Variants in PARN observed in about 807,000 individuals in gnomAD.
PARN encodes poly(A)-specific ribonuclease.
PARN carries 71 observed loss-of-function variants against 102.8 expected under a neutral mutation model. That is an observed-to-expected ratio of 0.69 (90% CI 0.57 to 0.84). PARN has a LOEUF of 0.84. PARN is among the 40% of genes least tolerant of loss of function. PARN has a pLI of 0.00. For missense variants in PARN, 782 were observed against 760.9 expected (o/e 1.03, Z -0.33); for synonymous variants, 261 against 252.9 (o/e 1.03, Z -0.30).
At chr16:14,600,032 C>A (rs1395777083) in intron 11 of PARN, 72 bp from the exon 12 acceptor site, 3 of 831,808 alleles carry the variant, frequency 3.6e-6, no homozygotes, top group South Asian at 2.0e-5. Flanking sequence ...AAAACTACCC[C>A]AAAAAAAAGA....
chr16:14,608,804 T>C (rs1182453524), intron 8 of PARN, among the ~76,000 whole-genome samples: 2 of 152,202 alleles, frequency 1.3e-5, no homozygotes, highest in African/African-American at 2.4e-5. Context: ...ATGCCACTCT[T>C]GGGCATAACT....
At chr16:14,481,927 T>G (rs114531792) in intron 22 of PARN, among the ~76,000 whole-genome samples, 2 of 152,170 alleles carry the variant, frequency 1.3e-5, no homozygotes, top group Non-Finnish European at 2.9e-5. Context: ...CTTTCTACAG[T>G]AGGCACCTGG....
chr16:14,612,090 G>A (rs1294546690), intron 6 of PARN, among the ~76,000 whole-genome samples: 2 of 152,218 alleles, frequency 1.3e-5, no homozygotes, highest in African/African-American at 2.4e-5. Flanking sequence ...GACATAAGAC[G>A]TAACACTTAC....
chr16:14,501,319 A>AATC (rs1479623865), intron 21 of PARN, among the ~76,000 whole-genome samples: 2 of 134,628 alleles, frequency 1.5e-5, no homozygotes, highest in Non-Finnish European at 3.3e-5. Flanking sequence ...TAATAATAAT[A>AATC]ATAATTAGTC....
At chr16:14,588,357 C>A (rs1243114425) in intron 13 of PARN, among the ~76,000 whole-genome samples, 1 of 152,128 alleles carries the variant, frequency 6.6e-6, no homozygotes, top group African/African-American at 2.4e-5. Context: ...TAGTCAACTG[C>A]CTAGAAAACA....
intron 21 of PARN, among the ~76,000 whole-genome samples, chr16:14,544,106 C>T (rs570896793): frequency 1.4e-4 from 21 of 152,228 alleles, no homozygotes; most frequent in Admixed American, 5.2e-4. Context: ...GCAGGAGAAT[C>T]GCTTGAACCC....
intron 22 of PARN, among the ~76,000 whole-genome samples, chr16:14,449,706 C>T (rs1961367019): frequency 6.6e-6 from 1 of 152,156 alleles, no homozygotes; most frequent in Non-Finnish European, 1.5e-5. Context: ...ATAAACAGCT[C>T]ATTACACACA....
chr16:14,624,940 C>A (rs1437492934), intron 5 of PARN, among the ~76,000 whole-genome samples: 1 of 152,040 alleles, frequency 6.6e-6, no homozygotes, highest in Non-Finnish European at 1.5e-5. Flanking sequence ...ATAACAGCTA[C>A]TCAGGAGGCT....
intron 18 of PARN, among the ~76,000 whole-genome samples, chr16:14,561,845 A>T (rs1968087473): frequency 6.6e-6 from 1 of 152,228 alleles, no homozygotes; most frequent in South Asian, 2.1e-4. Flanking sequence ...AACCATAAAT[A>T]AAATACGTAG....
intron 22 of PARN, among the ~76,000 whole-genome samples, chr16:14,477,312 A>G (rs914964428): frequency 1.3e-5 from 2 of 151,844 alleles, no homozygotes; most frequent in Non-Finnish European, 2.9e-5. Flanking sequence ...GTGATGGCAC[A>G]TGCCTATAAT....
At chr16:14,482,365 C>A (rs1443832856) in intron 22 of PARN, among the ~76,000 whole-genome samples, 1 of 151,660 alleles carries the variant, frequency 6.6e-6, no homozygotes, top group Non-Finnish European at 1.5e-5. Context: ...GCACTCCAGC[C>A]TGGGCAACAG....
At chr16:14,480,940 AAAAT>A (rs34273832) in intron 22 of PARN, among the ~76,000 whole-genome samples, 48 of 149,084 alleles carry the variant, frequency 3.2e-4, no homozygotes, top group East Asian at 1.2e-3. Flanking sequence ...CCTGCCTCAA[AAAAT>A]AAATAAATAA....
At chr16:14,539,339 A>G (rs911175364) in intron 21 of PARN, among the ~76,000 whole-genome samples, 5 of 152,198 alleles carry the variant, frequency 3.3e-5, no homozygotes, top group African/African-American at 1.2e-4. Context: ...ACAGGACACA[A>G]CAGCCGCTTT....
intron 22 of PARN, among the ~76,000 whole-genome samples, chr16:14,463,840 G>C (rs1281361641): frequency 7.9e-6 from 1 of 126,844 alleles, no homozygotes; most frequent in East Asian, 3.9e-4. Flanking sequence ...TTTTTTTTTG[G>C]GGGGGGGGGG....
chr16:14,447,119 A>C, intron 22 of PARN, 38 bp from the exon 23 acceptor site: 1 of 1,450,890 alleles, frequency 6.9e-7, no homozygotes, highest in South Asian at 1.2e-5. Flanking sequence ...AAAGGTGCTG[A>C]GAGTTACAGG....
chr16:14,588,208 A>G (rs1969973379), intron 13 of PARN, among the ~76,000 whole-genome samples: 1 of 152,204 alleles, frequency 6.6e-6, no homozygotes, highest in South Asian at 2.1e-4. Context: ...ACAAGAGAAA[A>G]TTCAAGTTGG....
intron 22 of PARN, among the ~76,000 whole-genome samples, chr16:14,462,472 T>C (rs1489977958): frequency 1.3e-5 from 2 of 152,032 alleles, no homozygotes; most frequent in Non-Finnish European, 2.9e-5. Context: ...TAAAACAATA[T>C]ATTTCCCACA....
At chr16:14,456,840 G>GA (rs1472297029) in intron 22 of PARN, among the ~76,000 whole-genome samples, 1 of 152,178 alleles carries the variant, frequency 6.6e-6, no homozygotes, top group African/African-American at 2.4e-5. Flanking sequence ...CGGAGGAGCC[G>GA]AAACAGCCAC....
intron 23 of PARN, among the ~76,000 whole-genome samples, chr16:14,439,379 A>C (rs933996365): frequency 3.3e-5 from 5 of 149,800 alleles, no homozygotes; most frequent in Non-Finnish European, 7.4e-5. Flanking sequence ...GTCGCACAAA[A>C]AAAAAAAAAA....
Sources: allele counts gnomAD v4.1 joint callset (sites outside exome capture counted in the v4.1 genomes callset), GRCh38; gene constraint gnomAD v4.1.1; transcripts MANE v1.5; gene names NCBI Gene and HGNC (gene_info 2026-07-23, HGNC 2026-07-21).